The following DEFB124 variants were observed in gnomAD, a reference collection of about 807,000 sequenced individuals.
DEFB124 encodes the protein beta-defensin 124.
For missense variants in DEFB124, 78 were observed against 83.1 expected (o/e 0.94, Z 0.24); for synonymous variants, 38 against 36.5 (o/e 1.04, Z -0.15).
intron 2 of DEFB124, among the ~76,000 whole-genome samples, chr20:31,470,607 C>A (rs1176367626): frequency 9.2e-5 from 2 of 21,656 alleles, no homozygotes; most frequent in African/African-American, 1.6e-3. Flanking sequence ...GGGGGGCTGA[C>A]CCCCCCCCCC....
chr20:31,471,386 C>T (rs1377929125), intron 2 of DEFB124, among the ~76,000 whole-genome samples: 6 of 108,452 alleles, frequency 5.5e-5, no homozygotes, highest in African/African-American at 1.2e-4. Flanking sequence ...CCCTCCCGGA[C>T]GGGGCGGCTG....
intron 1 of DEFB124, among the ~76,000 whole-genome samples, chr20:31,473,685 A>G (rs1980396802): frequency 1.3e-5 from 2 of 152,210 alleles, no homozygotes; most frequent in South Asian, 4.1e-4. Flanking sequence ...TAAGCAGAAG[A>G]AGGCCACAGG....
intron 2 of DEFB124, among the ~76,000 whole-genome samples, chr20:31,472,286 G>C (rs1441985948): frequency 1.3e-5 from 2 of 152,160 alleles, no homozygotes; most frequent in Non-Finnish European, 2.9e-5. Flanking sequence ...GCCTGCAATC[G>C]CAGGCACTGG....
intron 2 of DEFB124, among the ~76,000 whole-genome samples, chr20:31,470,359 G>A (rs1980212324): frequency 1.4e-5 from 2 of 141,466 alleles, no homozygotes; most frequent in Non-Finnish European, 3.1e-5. Context: ...CCCCCGGACG[G>A]GGTGGCTGGC....
chr20:31,465,736 C>A (rs1980067485), intron 2 of DEFB124, 73 bp from the exon 3 acceptor site: 8 of 1,554,310 alleles, frequency 5.1e-6, no homozygotes, highest in Admixed American at 1.8e-5. Flanking sequence ...ACAAGTTAGG[C>A]CACAGATTCA....
Position 31,465,515 on chromosome 20 carries a change from T to C in DEFB124, c.207A>G (p.Glu69=). ...GGACAGCAGGAACCAGCTACTCATA[T>C]TCATGCTTGGGGACCGGTGGAGGTT... is the stretch of plus-strand genomic sequence containing the variant. ...ALKPPPVPKH[E]YE The change falls in exon 3 of 3, where the codon GAA becomes GAG. Residue 69 remains glutamate, a synonymous_variant. Coordinates refer to ENST00000317676, the MANE Select transcript of DEFB124 (RefSeq NM_001037500.2). 6.2e-7 allele frequency: 1 copy of C among 1,614,100 alleles called. No individual in the cohort carries two copies. Among genetic ancestry groups the C allele is most frequent in the Admixed American group, 1.7e-5 (1 of 59,992 alleles).
At chr20:31,471,314 G>A (rs1199652007) in intron 2 of DEFB124, among the ~76,000 whole-genome samples, 10 of 100,014 alleles carry the variant, frequency 1.0e-4, no homozygotes, top group Admixed American at 9.4e-4. Flanking sequence ...GCGGGGGGCT[G>A]ACCCCCCCCA....
At position 31,465,626 on chromosome 20, in the gene DEFB124, C is replaced by T; in HGVS notation, c.96G>A (p.Gly32=). ...GCCTTGTGCAGTAAGTTTGGCAGGC[C>T]CCTTGACCCTTCCAGCACCGTTTGA... is the stretch of plus-strand genomic sequence containing the variant. ...SEFKRCWKGQ[G]ACQTYCTRQE... Residue 32 remains glycine (G), a synonymous_variant, in exon 3 of 3, where the codon GGG becomes GGA. Transcript: ENST00000317676. 1.2e-6 allele frequency: 2 copies of T among 1,614,036 alleles called. No individual in the cohort carries two copies. The highest frequency in any genetic ancestry group is 1.7e-6 in the Non-Finnish European group (2 of 1,180,034).
chr20:31,473,061 G>C, intron 1 of DEFB124, 23 bp from the exon 2 acceptor site: 2 of 1,605,128 alleles, frequency 1.2e-6, no homozygotes, highest in African/African-American at 2.7e-5. Flanking sequence ...CAAGAGGAAA[G>C]ACCCGAGCAG....
intron 2 of DEFB124, among the ~76,000 whole-genome samples, chr20:31,471,358 G>A (rs1263727384): frequency 3.1e-5 from 2 of 64,170 alleles, no homozygotes; most frequent in Non-Finnish European, 3.3e-5. Flanking sequence ...GGCCGGGCGG[G>A]GGCTGACCCC....
intron 2 of DEFB124, among the ~76,000 whole-genome samples, chr20:31,468,654 T>A (rs1980144621): frequency 6.6e-6 from 1 of 151,958 alleles, no homozygotes; most frequent in African/African-American, 2.4e-5. Context: ...TTTTTGTATT[T>A]TTAGTAGAGA....
chr20:31,471,442 G>A (rs1220032206), intron 2 of DEFB124, among the ~76,000 whole-genome samples: 12 of 129,008 alleles, frequency 9.3e-5, no homozygotes, highest in African/African-American at 3.6e-4. Context: ...GGACGGGGCG[G>A]CTGGCCGGGC....
chr20:31,471,280 C>T (rs1320598715), intron 2 of DEFB124, among the ~76,000 whole-genome samples: 4 of 132,168 alleles, frequency 3.0e-5, no homozygotes, highest in Admixed American at 1.4e-4. Context: ...CGCCCCTCAC[C>T]TCCCGGACGG....
intron 2 of DEFB124, among the ~76,000 whole-genome samples, chr20:31,470,424 G>T (rs1299857651): frequency 7.2e-6 from 1 of 139,306 alleles, no homozygotes; most frequent in Non-Finnish European, 1.6e-5. Context: ...CTGGCCGGGC[G>T]GGGGGCTGAG....
chr20:31,466,846 A>G (rs955365891), intron 2 of DEFB124, among the ~76,000 whole-genome samples: 2 of 152,096 alleles, frequency 1.3e-5, no homozygotes, highest in Admixed American at 1.3e-4. Flanking sequence ...TGGTCACAAC[A>G]TGGGATGGAG....
chr20:31,470,530 G>A (rs1264023574), intron 2 of DEFB124, among the ~76,000 whole-genome samples: 3 of 133,818 alleles, frequency 2.2e-5, no homozygotes, highest in East Asian at 4.7e-4. Context: ...CTCACTTCCC[G>A]GACGGGGCGG....
intron 2 of DEFB124, among the ~76,000 whole-genome samples, chr20:31,471,057 AC>A (rs539906022): frequency 0.025 from 1,560 of 62,890 alleles, 3 homozygotes; most frequent in Non-Finnish European, 0.032. Context: ...CGGGGGGCTG[AC>A]CCCCCCCACC....
chr20:31,474,601 G>T (rs1270258498), intron 1 of DEFB124, among the ~76,000 whole-genome samples, 26 bp downstream of exon 1: 1 of 152,072 alleles, frequency 6.6e-6, no homozygotes, highest in Non-Finnish European at 1.5e-5. Flanking sequence ...GACGTCACCA[G>T]CAATCTCTTT....
chr20:31,465,803 G>T, intron 2 of DEFB124, 140 bp from the exon 3 acceptor site: 1 of 992,484 alleles, frequency 1.0e-6, no homozygotes, highest in Non-Finnish European at 1.5e-6. Context: ...AGTCACAGAT[G>T]AGAGTACTGA....
Sources: allele counts gnomAD v4.1 joint callset (sites outside exome capture counted in the v4.1 genomes callset), GRCh38; gene constraint gnomAD v4.1.1; transcripts MANE v1.5; gene names NCBI Gene and HGNC (gene_info 2026-07-23, HGNC 2026-07-21).